The following SLC39A6 variants were observed in gnomAD, a reference collection of about 807,000 sequenced individuals.
The protein encoded by SLC39A6 is solute carrier family 39 member 6.
In SLC39A6, 51 loss-of-function variants were observed where a neutral mutation model predicts 63.5. The ratio of observed to expected loss-of-function variants is 0.80; its 90% CI spans 0.64 to 1.01. The LOEUF is 1.01. Among genes scored for constraint, SLC39A6 ranks in the 50% least tolerant of loss-of-function variants. SLC39A6 has a pLI of 0.00. For synonymous variants in SLC39A6, 318 were observed against 324.7 expected (o/e 0.98, Z 0.22); for missense variants, 805 against 927.8 (o/e 0.87, Z 1.72).
In SLC39A6 at chr18:36,129,318, C is replaced by A. The variant is rs570203874; in HGVS notation, c.-214G>T. ...ACCCGGCAGCCGCGCCCCTAGCCTT[C>A]GCGAAGCTGGAAGACAATCACTAAT... On this transcript the variant is annotated 5_prime_UTR_variant, in exon 1 of 10. Transcript: ENST00000269187. 12 of 162,016 alleles carry A rather than the reference C, an allele frequency of 7.4e-5. No homozygotes were observed. Among genetic ancestry groups the A allele is most frequent in the Non-Finnish European group, 1.4e-4 (10 of 73,152 alleles). The allele number at this position is 162,016 out of a possible 1,614,324, so 10.0% of individuals were successfully genotyped here.
Position 36,109,574 on chromosome 18 carries a change from T to C in SLC39A6, c.*19A>G. The C allele has an allele frequency of 3.1e-6, 5 of 1,588,926 alleles. No homozygotes were observed. Among genetic ancestry groups the C allele is most frequent in the East Asian group, 2.2e-5 (1 of 44,696 alleles). ...AAACTATGACAACTTTTTAAGCTAC[T>C]CTAGCATTTAAACCTTAACTAGAAA... On this transcript the variant is annotated 3_prime_UTR_variant, in exon 10 of 10. Transcript: ENST00000269187.
In SLC39A6 at chr18:36,109,578, G is replaced by A. The variant is rs2089284622; in HGVS notation, c.*15C>T. On this transcript the variant is annotated 3_prime_UTR_variant, in exon 10 of 10. Coordinates refer to ENST00000269187, the MANE Select transcript of SLC39A6 (RefSeq NM_012319.4). Reference sequence around the variant, plus strand: ...TATGACAACTTTTTAAGCTACTCTAGCATTTAAACCTTAACTAGAAATTTA... The same window carrying A: ...TATGACAACTTTTTAAGCTACTCTAACATTTAAACCTTAACTAGAAATTTA... 6.3e-7 allele frequency: 1 copy of A among 1,592,344 alleles called. No individual in the cohort carries two copies. Among genetic ancestry groups the A allele is most frequent in the Non-Finnish European group, 8.6e-7 (1 of 1,162,914 alleles).
chr18:36,123,719 CAAGA>C, intron 3 of SLC39A6, 55 bp from the exon 4 acceptor site: 1 of 1,520,734 alleles, frequency 6.6e-7, no homozygotes, highest in South Asian at 1.3e-5. Flanking sequence ...ATAAACTCTA[CAAGA>C]AAGACTTTTG....
chr18:36,109,389 C>T lies in SLC39A6; in HGVS notation c.*204G>A. 1 of 403,060 alleles carries T rather than the reference C, an allele frequency of 2.5e-6. No individual in the cohort carries two copies. Among genetic ancestry groups the T allele is most frequent in the Non-Finnish European group, 4.4e-6 (1 of 226,102 alleles). 25.0% of individuals were successfully genotyped at this position (403,060 alleles called of 1,614,324 possible). ...AAACTGGTAATACCGGTGAATTGCA[C>T]ATACAGATTTTATCTCCAAGATAGA... On this transcript the variant is annotated 3_prime_UTR_variant, in exon 10 of 10. Transcript: ENST00000269187.
At chr18:36,125,431 C>G (rs1301708416) in intron 2 of SLC39A6, among the ~76,000 whole-genome samples, 1 of 151,930 alleles carries the variant, frequency 6.6e-6, no homozygotes, top group Non-Finnish European at 1.5e-5. Context: ...ATTTTCAACT[C>G]CCACCACAAT....
At chr18:36,122,336 T>C in intron 4 of SLC39A6, 66 bp from the exon 5 acceptor site, 2 of 1,256,598 alleles carry the variant, frequency 1.6e-6, no homozygotes, top group Non-Finnish European at 2.3e-6. Flanking sequence ...GAAAGTTGGC[T>C]AGGTAAGGTC....
chr18:36,111,959 C>T (rs965913256), intron 8 of SLC39A6, among the ~76,000 whole-genome samples: 1 of 152,000 alleles, frequency 6.6e-6, no homozygotes. Context: ...AATGGTAATG[C>T]ATAAAAAACA....
rs2089282941 is a variant in SLC39A6, at chr18:36,109,376, C to A, written c.*217G>T. ...TTGTTTACATAATAAACTGGTAATA[C>A]CGGTGAATTGCACATACAGATTTTA... On this transcript the variant is annotated 3_prime_UTR_variant, in exon 10 of 10. Coordinates refer to ENST00000269187, the MANE Select transcript of SLC39A6 (RefSeq NM_012319.4). The A allele has an allele frequency of 2.7e-6, 1 of 367,206 alleles. No homozygotes were observed. Among genetic ancestry groups the A allele is most frequent in the Non-Finnish European group, 4.9e-6 (1 of 204,270 alleles). The allele number at this position is 367,206 out of a possible 1,614,324, so 22.7% of individuals were successfully genotyped here.
chr18:36,118,060 C>G (rs907238418), intron 5 of SLC39A6, among the ~76,000 whole-genome samples: 1 of 150,482 alleles, frequency 6.6e-6, no homozygotes, highest in East Asian at 1.9e-4. Flanking sequence ...AACACACACA[C>G]AAATCTTTAC....
rs978552379 is a variant in SLC39A6 at position 36,121,255 on chromosome 18, C to G, written c.1359+797G>C. On this transcript the variant is annotated intron_variant, in intron 5 of 9. Coordinates refer to ENST00000269187, the MANE Select transcript of SLC39A6 (RefSeq NM_012319.4). ...CACTGCAGCATCCGCCTCCCAAGTT[C>G]AAACAATTCTTGTGCCTCAGCCTCC... Among the ~76,000 whole-genome samples, 17 of 152,150 alleles carry G rather than the reference C, an allele frequency of 1.1e-4. No homozygotes were observed. In the South Asian group the frequency reaches 1.2e-3, roughly 11 times the overall value.
chr18:36,124,434 A>G (rs1598712375), intron 3 of SLC39A6, 86 bp downstream of exon 3: 1 of 845,840 alleles, frequency 1.2e-6, no homozygotes, highest in East Asian at 2.5e-5. Flanking sequence ...TGTACTGGAA[A>G]ACAAATAGGC....
intron 5 of SLC39A6, among the ~76,000 whole-genome samples, chr18:36,117,703 A>G (rs544353936): frequency 7.2e-5 from 11 of 152,310 alleles, no homozygotes; most frequent in African/African-American, 2.4e-4. Context: ...ATACCATATC[A>G]AGTGTCTATA....
rs950901065 is a variant in SLC39A6 at position 36,114,438 on chromosome 18, G to T, written c.1502C>A (p.Pro501His). 3.1e-6 allele frequency: 5 copies of T among 1,613,732 alleles called. No homozygotes were observed. In the East Asian group the frequency reaches 6.7e-5, roughly 22 times the overall value. The change falls in exon 7 of 10, where the codon CCC becomes CAC. Residue 501 changes from proline to histidine, a missense_variant. Around this residue, in one of 4 missense-constraint regions of SLC39A6, gnomAD observed 639 missense variants for 644.0 expected, o/e 0.99. Transcript: ENST00000269187. ...EGYLRADSQEPSHFDSQQPAV... is the reference protein window; with the variant it reads ...EGYLRADSQEHSHFDSQQPAV... Reference sequence around the variant, plus strand: ...AGGCTGCTGAGAATCAAAGTGGGAGGGCTCTTGTGAGTCTGCTCGTAAATA... The same window carrying T: ...AGGCTGCTGAGAATCAAAGTGGGAGTGCTCTTGTGAGTCTGCTCGTAAATA...
Position 36,126,701 on chromosome 18 carries a change from C to A in SLC39A6, c.307G>T (p.Glu103Ter). 1 of 1,613,484 alleles carries A rather than the reference C, an allele frequency of 6.2e-7. No homozygotes were observed. Among genetic ancestry groups the A allele is most frequent in the Non-Finnish European group, 8.5e-7 (1 of 1,179,654 alleles). The stretch of plus-strand genomic sequence containing the variant: ...TGACGCTCATGGTCTGAGTGATGCT[C>A]GTGGTCTGAGTGATGGTCGTGGTCA... ...HHDHDHHSDHEHHSDHERHSD... is the reference protein window; with the variant it reads ...HHDHDHHSDH The change falls in exon 2 of 10, where the codon GAG (glutamate) becomes TAG (stop). Residue 103 changes from glutamate to a stop codon, truncating the protein, a stop_gained. Coordinates refer to ENST00000269187, the MANE Select transcript of SLC39A6 (RefSeq NM_012319.4). LOFTEE classifies it high-confidence loss of function.
rs2089438618 is a variant in SLC39A6 at position 36,126,495 on chromosome 18, A to G, written c.513T>C (p.His171=). The G allele has an allele frequency of 1.2e-6, 2 of 1,614,114 alleles. No individual in the cohort carries two copies. Among genetic ancestry groups the G allele is most frequent in the African/African-American group, 1.3e-5 (1 of 74,938 alleles). Residue 171 remains histidine, a synonymous_variant, in exon 2 of 10, where the codon CAT becomes CAC. Coordinates refer to ENST00000269187, the MANE Select transcript of SLC39A6 (RefSeq NM_012319.4). ...CCTTGACATTCCTTCTACCACTGGCATGTTCTGGTCGGTGAGCTCCTTTCC... is the reference window on the plus strand; with the variant it reads ...CCTTGACATTCCTTCTACCACTGGCGTGTTCTGGTCGGTGAGCTCCTTTCC... ...SQGKGAHRPE[H]ASGRRNVKDS... is the part of the protein sequence containing the mutation.
At position 36,112,590 on chromosome 18, in the gene SLC39A6, AAATC is replaced by A; in HGVS notation, c.1844-13_1844-10del. 6.2e-7 allele frequency: 1 copy of A among 1,609,176 alleles called. No homozygotes were observed. Among genetic ancestry groups the A allele is most frequent in the Non-Finnish European group, 8.5e-7 (1 of 1,176,308 alleles). On this transcript the variant is annotated splice_polypyrimidine_tract_variant and intron_variant, in intron 7 of 9. Transcript: ENST00000269187. ...TTCAGTAAAAGCAGCACCTGTGTAA[AAATC>A]AATCAGAAAAAGTTTGGCTACATTA...
intron 7 of SLC39A6, among the ~76,000 whole-genome samples, chr18:36,113,293 C>T (rs971855373): frequency 1.3e-5 from 2 of 151,592 alleles, no homozygotes; most frequent in African/African-American, 4.9e-5. Context: ...GAGATAAGGT[C>T]TCACTATGCT....
At position 36,118,004 on chromosome 18, in the gene SLC39A6, C is replaced by T. The variant is rs182008310; in HGVS notation, c.1360-1225G>A. Reference sequence around the variant, plus strand: ...AGAGATCGCGCCACTGCACTCCAGCCGGGGCGACAGAGTGAGACTCCATCT... The same window carrying T: ...AGAGATCGCGCCACTGCACTCCAGCTGGGGCGACAGAGTGAGACTCCATCT... On this transcript the variant is annotated intron_variant, in intron 5 of 9. Transcript: ENST00000269187. 3.2e-4 allele frequency among the ~76,000 whole-genome samples: 47 copies of T among 147,848 alleles called. No homozygotes were observed. The South Asian group carries it at 3.4e-3, about 11-fold the overall frequency.
chr18:36,110,609 G>C (rs1382833039), intron 9 of SLC39A6, among the ~76,000 whole-genome samples: 3 of 151,970 alleles, frequency 2.0e-5, no homozygotes, highest in African/African-American at 4.8e-5. Context: ...TACAATCTCA[G>C]CTCACTGCAA....
Sources: allele counts gnomAD v4.1 joint callset (sites outside exome capture counted in the v4.1 genomes callset), GRCh38; gene constraint gnomAD v4.1.1; regional missense constraint gnomAD v4.1.1; transcripts MANE v1.5; gene names NCBI Gene and HGNC (gene_info 2026-07-23, HGNC 2026-07-21).